The following PRKCZ variants were observed in gnomAD, a reference collection of about 807,000 sequenced individuals.
PRKCZ encodes protein kinase C zeta, also known as protein kinase C zeta type.
PRKCZ carries 33 observed loss-of-function variants against 79.5 expected under a neutral mutation model. The observed-to-expected ratio is 0.41, with a 90% CI of 0.31 to 0.55. PRKCZ has a LOEUF of 0.55. Ranked by LOEUF, PRKCZ falls within the 20% of genes least tolerant of loss-of-function variation. The pLI is 0.19. For missense variants in PRKCZ, 578 were observed against 813.5 expected (o/e 0.71, Z 3.52); for synonymous variants, 342 against 320.9 (o/e 1.07, Z -0.70).
chr1:2,073,757 C>G, intron 4 of PRKCZ: 1 of 1,008,588 alleles, frequency 9.9e-7, no homozygotes. Context: ...ACAGGACAGC[C>G]GGCCTTCCGT....
In PRKCZ at chr1:2,050,491, C is replaced by A; in HGVS notation, c.-140C>A. The A allele has an allele frequency of 5.3e-6, 2 of 380,528 alleles. No homozygotes were observed. The highest frequency in any genetic ancestry group is 1.1e-4 in the South Asian group (1 of 8,874). The allele number at this position is 380,528 out of a possible 1,614,324, so 23.6% of individuals were successfully genotyped here. Reference sequence around the variant, plus strand: ...TCCCGCCCCGCGCGCCGCCGGAGTTCCGCGGAGTTGACCGGGTCGGCGCCG... The same window carrying A: ...TCCCGCCCCGCGCGCCGCCGGAGTTACGCGGAGTTGACCGGGTCGGCGCCG... On this transcript the variant is annotated 5_prime_UTR_variant, in exon 1 of 18. Coordinates refer to ENST00000378567, the MANE Select transcript of PRKCZ (RefSeq NM_002744.6).
chr1:2,162,728 G>A (rs1301627919), intron 10 of PRKCZ, among the ~76,000 whole-genome samples: 1 of 152,166 alleles, frequency 6.6e-6, no homozygotes, highest in African/African-American at 2.4e-5. Context: ...CATTTCAGGC[G>A]TGAGCCACGG....
chr1:2,158,429 C>T, intron 10 of PRKCZ, among the ~76,000 whole-genome samples: 1 of 152,274 alleles, frequency 6.6e-6, no homozygotes, highest in East Asian at 1.9e-4. Flanking sequence ...GGCGCCCTCG[C>T]CCGCACCGCC....
At chr1:2,114,091 T>G (rs1178350178) in intron 4 of PRKCZ, among the ~76,000 whole-genome samples, 2 of 151,972 alleles carry the variant, frequency 1.3e-5, no homozygotes, top group Non-Finnish European at 2.9e-5. Context: ...TGTGGAAGCG[T>G]TCGGAATGCT....
intron 4 of PRKCZ, among the ~76,000 whole-genome samples, chr1:2,072,865 A>G (rs985130731): frequency 2.0e-5 from 3 of 152,084 alleles, no homozygotes; most frequent in African/African-American, 7.2e-5. Context: ...CTGCACCCCC[A>G]GTGCGAAGCG....
At chr1:2,106,102 C>G (rs911899551) in intron 4 of PRKCZ, among the ~76,000 whole-genome samples, 1 of 152,202 alleles carries the variant, frequency 6.6e-6, no homozygotes, top group Admixed American at 6.5e-5. Context: ...CCCAGGACTT[C>G]GATGGGGTGT....
chr1:2,148,296 CATCT>C (rs1402924531), intron 7 of PRKCZ, among the ~76,000 whole-genome samples: 22 of 152,048 alleles, frequency 1.4e-4, no homozygotes, highest in Non-Finnish European at 8.8e-5. Flanking sequence ...CTGACCTCTC[CATCT>C]ATCCATCCAT....
At chr1:2,105,218 A>G (rs1405302219) in intron 4 of PRKCZ, among the ~76,000 whole-genome samples, 1 of 152,086 alleles carries the variant, frequency 6.6e-6, no homozygotes, top group East Asian at 1.9e-4. Context: ...GTGTACCGGC[A>G]CTGCCGCCCA....
chr1:2,139,433 C>T (rs1309781477), intron 5 of PRKCZ, among the ~76,000 whole-genome samples: 1 of 151,766 alleles, frequency 6.6e-6, no homozygotes, highest in East Asian at 1.9e-4. Context: ...ACTAAAAATA[C>T]AAAAAAAGTA....
upstream of PRKCZ, among the ~76,000 whole-genome samples, chr1:2,048,786 G>A (rs1659433314): frequency 1.3e-5 from 2 of 152,198 alleles, no homozygotes; most frequent in South Asian, 2.1e-4. Flanking sequence ...AGGAGGGCGA[G>A]GGATGGGAGA....
At chr1:2,103,014 C>T (rs992828051) in intron 4 of PRKCZ, among the ~76,000 whole-genome samples, 3 of 152,140 alleles carry the variant, frequency 2.0e-5, no homozygotes, top group South Asian at 2.1e-4. Context: ...GGACTTCAGG[C>T]GCGCACCACC....
At chr1:2,167,678 A>T (rs990743185) in intron 10 of PRKCZ, among the ~76,000 whole-genome samples, 4 of 152,096 alleles carry the variant, frequency 2.6e-5, no homozygotes, top group Admixed American at 6.5e-5. Context: ...ATCTCAGCTC[A>T]CTGCAGCCTG....
In PRKCZ at chr1:2,128,877, C is replaced by T. The variant is rs1037623349; in HGVS notation, c.335-6385C>T. Among the ~76,000 whole-genome samples, 3 of 152,184 alleles carry T rather than the reference C, an allele frequency of 2.0e-5. No homozygotes were observed. Among genetic ancestry groups the T allele is most frequent in the Non-Finnish European group, 4.4e-5 (3 of 68,024 alleles). The stretch of plus-strand genomic sequence containing the variant: ...AGCCGGGGGACTCGCGGTGCCAGGC[C>T]CACAGCCTCCTCGCCGGTAGTATCT... On this transcript the variant is annotated intron_variant, in intron 4 of 17. Transcript: ENST00000378567. The surrounding 1 kb of genome is among the most constrained non-coding windows in gnomAD (Gnocchi z 6.5).
At chr1:2,071,867 A>G (rs1268413799) in intron 4 of PRKCZ, among the ~76,000 whole-genome samples, 2 of 152,230 alleles carry the variant, frequency 1.3e-5, no homozygotes, top group Non-Finnish European at 2.9e-5. Context: ...AGGTAGTTGA[A>G]GCCTGGGGTT....
At chr1:2,062,329 G>A (rs1660760314) in intron 4 of PRKCZ, among the ~76,000 whole-genome samples, 1 of 152,182 alleles carries the variant, frequency 6.6e-6, no homozygotes, top group African/African-American at 2.4e-5. Flanking sequence ...GACGTTTGGT[G>A]TCCGTGGAAT....
intron 10 of PRKCZ, among the ~76,000 whole-genome samples, chr1:2,158,279 G>A (rs1681505516): frequency 6.6e-6 from 1 of 152,182 alleles, no homozygotes; most frequent in Non-Finnish European, 1.5e-5. Context: ...GAGAAACACA[G>A]ATCTGAAGTC....
chr1:2,168,677 C>T lies in PRKCZ; in HGVS notation c.975-841C>T, dbSNP rs868231121. ...GGTGGTGTGGGAGCTTGCGTGGGAT[C>T]GAAGGAAACGGGCAGAGTCACCACA... is the stretch of plus-strand genomic sequence containing the variant. On this transcript the variant is annotated intron_variant, in intron 10 of 17. Transcript: ENST00000378567. This position sits in a 1 kb window ranked among gnomAD's most constrained non-coding sequence, Gnocchi z 4.7. 6.6e-6 allele frequency among the ~76,000 whole-genome samples: 1 copy of T among 151,856 alleles called. No individual in the cohort carries two copies. The highest frequency in any genetic ancestry group is 2.4e-5 in the African/African-American group (1 of 41,320).
chr1:2,179,148 C>T (rs1319983417), intron 16 of PRKCZ, among the ~76,000 whole-genome samples: 1 of 152,226 alleles, frequency 6.6e-6, no homozygotes, highest in African/African-American at 2.4e-5. Flanking sequence ...TGGGAGGTGG[C>T]GCTCATCTTG....
At chr1:2,169,329 G>A (rs944919269) in intron 10 of PRKCZ, 189 bp from the exon 11 acceptor site, 26 of 641,188 alleles carry the variant, frequency 4.1e-5, no homozygotes, top group East Asian at 9.4e-5. Flanking sequence ...CACCCTTCAC[G>A]AGCGGCCCCG....
Sources: allele counts gnomAD v4.1 joint callset (sites outside exome capture counted in the v4.1 genomes callset), GRCh38; gene constraint gnomAD v4.1.1; non-coding constraint Gnocchi (gnomAD v3.1); transcripts MANE v1.5; gene names NCBI Gene and HGNC (gene_info 2026-07-23, HGNC 2026-07-21).